PPP4R4: variants seen among roughly 807,000 people sequenced by gnomAD.
The protein encoded by PPP4R4 is serine/threonine-protein phosphatase 4 regulatory subunit 4.
Under a neutral mutation model 121.8 loss-of-function variants are expected in PPP4R4, and 70 were observed. The observed-to-expected ratio is 0.57, with a 90% confidence interval of 0.47 to 0.70. The LOEUF (loss-of-function observed/expected upper bound fraction) is 0.70. PPP4R4 is among the 30% of genes least tolerant of loss of function. The pLI is 0.00. For synonymous variants in PPP4R4, 348 were observed against 355.7 expected, an observed-to-expected ratio of 0.98 and a Z score of 0.24; for missense variants, 875 against 1,033.6, an observed-to-expected ratio of 0.85 and a Z score of 2.10.
At position 94,251,914 on chromosome 14, in the gene PPP4R4, G is replaced by T; in HGVS notation, c.1865+18G>T. 1.9e-6 allele frequency: 3 copies of T among 1,542,658 alleles called. No homozygotes were observed. The highest frequency in any genetic ancestry group is 2.6e-6 in the Non-Finnish European group (3 of 1,139,850). ...AATGTGAGGTATGTTATCAATGAAG[G>T]AAAATATTGGAAATTGTATTTATTT... is the stretch of plus-strand genomic sequence containing the variant. On this transcript the variant is annotated intron_variant, in intron 16 of 24. Coordinates refer to ENST00000304338, the MANE Select transcript of PPP4R4 (RefSeq NM_058237.2).
chr14:94,227,891 T>C (rs1891803910), intron 3 of PPP4R4: 6 of 983,414 alleles, frequency 6.1e-6, no homozygotes, highest in Non-Finnish European at 7.2e-6. Context: ...TTTAAAAGTG[T>C]TTTCCAAACC....
chr14:94,202,372 G>A (rs557749116), intron 2 of PPP4R4, among the ~76,000 whole-genome samples: 4 of 152,182 alleles, frequency 2.6e-5, no homozygotes, highest in African/African-American at 7.2e-5. Context: ...ACATAAAACT[G>A]AATAAATTAT....
Position 94,175,822 on chromosome 14 carries a change from A to T in PPP4R4, c.118-232A>T, listed in dbSNP as rs955121096. ...TTCAAGCTGCAGTCCAGGAGCTAGA[A>T]GGATAAAAACAGAAAAATACAGCCC... On this transcript the variant is annotated intron_variant, in intron 1 of 24. Coordinates refer to ENST00000304338, the MANE Select transcript of PPP4R4 (RefSeq NM_058237.2). 51 of 545,040 alleles carry T rather than the reference A, an allele frequency of 9.4e-5. No individual in the cohort carries two copies. In the Middle Eastern group the frequency reaches 3.4e-3, roughly 36 times the overall value. The allele number at this position is 545,040 out of a possible 1,614,324, so 33.8% of individuals were successfully genotyped here. A position where few individuals can be genotyped will look rare whatever the true frequency, so the allele number is the denominator to read the frequency against.
At chr14:94,217,870 C>T (rs972617594) in intron 3 of PPP4R4, among the ~76,000 whole-genome samples, 2 of 152,056 alleles carry the variant, frequency 1.3e-5, no homozygotes, top group Non-Finnish European at 2.9e-5. Flanking sequence ...GGCACATCCC[C>T]GTAATCCCAG....
At chr14:94,242,554 A>G (rs1892689674) in intron 11 of PPP4R4, 146 bp downstream of exon 11, 1 of 789,944 alleles carries the variant, frequency 1.3e-6, no homozygotes, top group Non-Finnish European at 1.9e-6. Flanking sequence ...AATTTCCTTA[A>G]TTTTCTTCTT....
intron 2 of PPP4R4, among the ~76,000 whole-genome samples, chr14:94,186,440 C>T (rs1889288335): frequency 6.6e-6 from 1 of 152,128 alleles, no homozygotes; most frequent in Non-Finnish European, 1.5e-5. Flanking sequence ...TAATTTACTG[C>T]TTTTTATTAT....
At chr14:94,273,170 A>G (rs1346902141) in intron 23 of PPP4R4, among the ~76,000 whole-genome samples, 1 of 152,184 alleles carries the variant, frequency 6.6e-6, no homozygotes, top group Non-Finnish European at 1.5e-5. Flanking sequence ...ACTTACATCC[A>G]CACGAAAATC....
At chr14:94,211,410 TG>T (rs1364246125) in intron 3 of PPP4R4, among the ~76,000 whole-genome samples, 1 of 152,002 alleles carries the variant, frequency 6.6e-6, no homozygotes, top group Non-Finnish European at 1.5e-5. Flanking sequence ...ACTGAAGGGA[TG>T]GAAAGAAGCA....
chr14:94,207,883 A>G (rs1890546310), intron 2 of PPP4R4, among the ~76,000 whole-genome samples: 1 of 151,848 alleles, frequency 6.6e-6, no homozygotes, highest in Admixed American at 6.6e-5. Context: ...TAACTCCTTA[A>G]TGAATGTTAA....
chr14:94,244,488 T>G (rs547085307), intron 11 of PPP4R4, 147 bp from the exon 12 acceptor site: 2 of 626,078 alleles, frequency 3.2e-6, no homozygotes, highest in South Asian at 5.4e-5. Flanking sequence ...GCCACTAATT[T>G]TTATAGAATC....
At chr14:94,240,628 G>T in intron 8 of PPP4R4, 45 bp from the exon 9 acceptor site, 1 of 1,569,616 alleles carries the variant, frequency 6.4e-7, no homozygotes, top group Non-Finnish European at 8.6e-7. Context: ...TGTGCAATGT[G>T]GACGACTGAA....
chr14:94,188,220 T>C (rs547423111), intron 2 of PPP4R4, among the ~76,000 whole-genome samples: 2 of 152,264 alleles, frequency 1.3e-5, no homozygotes, highest in South Asian at 4.1e-4. Flanking sequence ...TTTTGTCTTT[T>C]AGTATAGTGA....
chr14:94,261,357 T>C (rs1259390791), intron 19 of PPP4R4, among the ~76,000 whole-genome samples: 1 of 152,162 alleles, frequency 6.6e-6, no homozygotes, highest in Non-Finnish European at 1.5e-5. Context: ...ATTTTTTTAT[T>C]TCACTTTCCA....
rs140051652 is a variant in PPP4R4 at position 94,273,165 on chromosome 14, C to T, written c.2450-2209C>T. On this transcript the variant is annotated intron_variant, in intron 23 of 24. Coordinates refer to ENST00000304338, the MANE Select transcript of PPP4R4 (RefSeq NM_058237.2). Reference sequence around the variant, plus strand: ...TTTATCCACAGGAGTTGAAAACTTACATCCACACGAAAATCTGAGCATGAA... The same window carrying T: ...TTTATCCACAGGAGTTGAAAACTTATATCCACACGAAAATCTGAGCATGAA... 2.3e-4 allele frequency among the ~76,000 whole-genome samples: 35 copies of T among 152,298 alleles called. No individual in the cohort carries two copies. In the East Asian group the frequency reaches 5.6e-3, roughly 24 times the overall value.
chr14:94,237,579 A>G lies in PPP4R4; in HGVS notation c.746A>G (p.Lys249Arg), dbSNP rs1892408330. The change falls in exon 8 of 25, where the codon AAA becomes AGA. Residue 249 changes from lysine (K) to arginine (R), a missense_variant. By Grantham distance (26) the Lys-to-Arg change is conservative. Coordinates refer to ENST00000304338, the MANE Select transcript of PPP4R4 (RefSeq NM_058237.2). ...TTATTGTGCAGGACAGAACTTACAA[A>G]AAGTGTGGTGCTCCCTGAATTAATA... Reference protein sequence around the residue: ...IAQGIGTELTKSVVLPELIEL... With the variant: ...IAQGIGTELTRSVVLPELIEL... The G allele has an allele frequency of 2.5e-6, 4 of 1,612,520 alleles. No homozygotes were observed. The highest frequency in any genetic ancestry group is 3.4e-6 in the Non-Finnish European group (4 of 1,178,684).
chr14:94,210,651 T>G (rs1426061587), intron 3 of PPP4R4, among the ~76,000 whole-genome samples: 1 of 152,130 alleles, frequency 6.6e-6, no homozygotes, highest in Non-Finnish European at 1.5e-5. Context: ...AGAGTCCAGA[T>G]TAGACTGTAT....
chr14:94,250,214 A>G lies in PPP4R4; in HGVS notation c.1654A>G (p.Ile552Val), dbSNP rs146296343. ...VQKAASRTLC[I>V]FLRYNRKQEQ... is the part of the protein sequence containing the mutation. ...AAAGGCGGCTTCACGAACTCTATGC[A>G]TTTTTCTGCGTTATAATCGTAAACA... Residue 552 changes from isoleucine (I) to valine (V), a missense_variant, in exon 15 of 25, where the codon ATT becomes GTT. Transcript: ENST00000304338. 1.9e-6 allele frequency: 3 copies of G among 1,612,650 alleles called. No individual in the cohort carries two copies. The highest frequency in any genetic ancestry group is 1.7e-6 in the Non-Finnish European group (2 of 1,179,028).
chr14:94,185,616 T>C (rs1889231276), intron 2 of PPP4R4, among the ~76,000 whole-genome samples: 1 of 152,162 alleles, frequency 6.6e-6, no homozygotes, highest in Non-Finnish European at 1.5e-5. Context: ...CAGGGTAGTG[T>C]TCAGTAAAGG....
chr14:94,259,518 T>G, intron 19 of PPP4R4, 149 bp downstream of exon 19: 1 of 1,154,236 alleles, frequency 8.7e-7, no homozygotes, highest in Non-Finnish European at 1.1e-6. Flanking sequence ...AAATCTGTTC[T>G]TTTATGAACT....
Sources: gnomAD v4.1 joint callset for allele counts (sites outside exome capture counted in the v4.1 genomes callset) on GRCh38, gnomAD v4.1.1 for gene constraint, MANE v1.5 for transcripts, NCBI Gene and HGNC (gene_info 2026-07-23, HGNC 2026-07-21) for gene names.